Variants in FRMD3 observed in about 807,000 individuals in gnomAD.
FRMD3 encodes the protein FERM domain containing 3.
Under a neutral mutation model 70.2 loss-of-function variants are expected in FRMD3, and 33 were observed. The ratio of observed to expected loss-of-function variants is 0.47; its 90% CI spans 0.36 to 0.63. The LOEUF (loss-of-function observed/expected upper bound fraction) is 0.63. Among genes scored for constraint, FRMD3 ranks in the 20% least tolerant of loss-of-function variants. The probability of loss-of-function intolerance (pLI) is 0.00; values close to 1 mark genes in which losing one functional copy is unlikely to be tolerated. For missense variants in FRMD3, 632 were observed against 711.4 expected (o/e 0.89, Z 1.27); for synonymous variants, 279 against 255.9 (o/e 1.09, Z -0.86).
chr9:83,382,606 C>A (rs1825391671), intron 2 of FRMD3, among the ~76,000 whole-genome samples: 1 of 152,114 alleles, frequency 6.6e-6, no homozygotes, highest in African/African-American at 2.4e-5. Flanking sequence ...CCTAAAATAG[C>A]AAAAGATAGT....
chr9:83,416,393 T>A (rs1301320406), intron 1 of FRMD3, among the ~76,000 whole-genome samples: 3 of 152,208 alleles, frequency 2.0e-5, no homozygotes, highest in Non-Finnish European at 4.4e-5. Flanking sequence ...ATGGCACAAA[T>A]CAAAACCAAG....
At chr9:83,301,314 C>A (rs1042000213) in intron 10 of FRMD3, among the ~76,000 whole-genome samples, 2 of 152,154 alleles carry the variant, frequency 1.3e-5, no homozygotes, top group Non-Finnish European at 2.9e-5. Context: ...TCCCCACTAG[C>A]CCTACAGAGC....
intron 1 of FRMD3, among the ~76,000 whole-genome samples, chr9:83,430,139 A>G (rs984163339): frequency 2.0e-5 from 3 of 152,150 alleles, no homozygotes; most frequent in African/African-American, 7.2e-5. Flanking sequence ...CCTTGGTCTC[A>G]ACACCTCTAG....
At chr9:83,256,630 A>G (rs1832720789) in intron 13 of FRMD3, among the ~76,000 whole-genome samples, 1 of 152,304 alleles carries the variant, frequency 6.6e-6, no homozygotes, top group African/African-American at 2.4e-5. Flanking sequence ...CAAAGGTCTA[A>G]TGTCCACAGT....
the FRMD3 span, among the ~76,000 whole-genome samples, chr9:83,565,259 T>C: frequency 6.6e-6 from 1 of 152,138 alleles, no homozygotes; most frequent in Non-Finnish European, 1.5e-5. Flanking sequence ...GACACTCCTG[T>C]CCTTAAAGTG....
the FRMD3 span, among the ~76,000 whole-genome samples, chr9:83,545,357 T>G: frequency 2.5e-3 from 75 of 29,784 alleles, no homozygotes; most frequent in Admixed American, 3.7e-3. Flanking sequence ...TTTTTTTTTG[T>G]TTTTTTTTTT....
chr9:83,559,474 C>G, the FRMD3 span, among the ~76,000 whole-genome samples: 168 of 152,280 alleles, frequency 1.1e-3, no homozygotes, highest in Non-Finnish European at 1.9e-3. Context: ...TGCCTTATTG[C>G]AATATTTGCT....
upstream of FRMD3, among the ~76,000 whole-genome samples, chr9:83,542,769 C>A (rs1291750535): frequency 1.3e-5 from 2 of 151,988 alleles, no homozygotes; most frequent in African/African-American, 4.8e-5. Flanking sequence ...ATCAGTGGAA[C>A]AAAATAGAGG....
At position 83,405,150 on chromosome 9, in the gene FRMD3, C is replaced by A. The variant is rs75450877; in HGVS notation, c.148-15442G>T. On this transcript the variant is annotated intron_variant, in intron 1 of 13. Coordinates refer to ENST00000304195, the MANE Select transcript of FRMD3 (RefSeq NM_174938.6). ...AGGCCCCTTTAAAACATTACCCCAG[C>A]AGTTTTAAGCACAAGTGCATGGTAG... 3.7e-3 allele frequency among the ~76,000 whole-genome samples: 556 copies of A among 152,282 alleles called. 2 individuals carry two copies. The highest frequency in any genetic ancestry group is 0.013 in the African/African-American group (534 of 41,558).
chr9:83,492,823 A>G (rs564151370), intron 1 of FRMD3, among the ~76,000 whole-genome samples: 1 of 152,152 alleles, frequency 6.6e-6, no homozygotes, highest in African/African-American at 2.4e-5. Flanking sequence ...AAGTTCAGCA[A>G]CCTTCAGAGT....
chr9:83,302,261 G>A lies in FRMD3; in HGVS notation c.927-3075C>T, dbSNP rs900069643. Among the ~76,000 whole-genome samples, 5 of 152,312 alleles carry A rather than the reference G, an allele frequency of 3.3e-5. 1 individual carries two copies. In the South Asian group the frequency reaches 8.3e-4, roughly 25 times the overall value. ...CTTGATCATGAGAGATTCTGATTCAGTGGGTCTGAAGAGGGGCTTGACTTT... is the reference window on the plus strand; with the variant it reads ...CTTGATCATGAGAGATTCTGATTCAATGGGTCTGAAGAGGGGCTTGACTTT... On this transcript the variant is annotated intron_variant, in intron 10 of 13. Coordinates refer to ENST00000304195, the MANE Select transcript of FRMD3 (RefSeq NM_174938.6).
intron 13 of FRMD3, among the ~76,000 whole-genome samples, chr9:83,253,062 AAAG>A (rs1245235492): frequency 1.3e-5 from 2 of 152,224 alleles, no homozygotes; most frequent in Admixed American, 1.3e-4. Context: ...CCTAAATTAA[AAAG>A]AAGATATATT....
chr9:83,294,369 C>G (rs1212479271), intron 12 of FRMD3, among the ~76,000 whole-genome samples: 1 of 152,114 alleles, frequency 6.6e-6, no homozygotes, highest in Non-Finnish European at 1.5e-5. Flanking sequence ...GTTATAGCAA[C>G]CCAACTGGAC....
chr9:83,243,288 A>T, downstream of FRMD3: 1 of 1,421,836 alleles, frequency 7.0e-7, no homozygotes, highest in East Asian at 2.5e-5. Context: ...ACAAGTAAGC[A>T]GCGACCTTCA....
chr9:83,313,816 C>G, intron 6 of FRMD3, 69 bp from the exon 7 acceptor site: 1 of 1,136,332 alleles, frequency 8.8e-7, no homozygotes, highest in Non-Finnish European at 1.3e-6. Context: ...TCCCTTCATT[C>G]AATAAAGTAT....
At chr9:83,433,255 C>T (rs1827034053) in intron 1 of FRMD3, among the ~76,000 whole-genome samples, 1 of 152,130 alleles carries the variant, frequency 6.6e-6, no homozygotes, top group Admixed American at 6.5e-5. Flanking sequence ...ATGCTTAGTT[C>T]ATGATATTAA....
chr9:83,562,247 G>A, the FRMD3 span, among the ~76,000 whole-genome samples: 1 of 152,196 alleles, frequency 6.6e-6, no homozygotes, highest in African/African-American at 2.4e-5. Flanking sequence ...ATAACAAGTA[G>A]TTCCTTAGAC....
At chr9:83,383,849 G>T (rs1230664810) in intron 2 of FRMD3, among the ~76,000 whole-genome samples, 2 of 152,172 alleles carry the variant, frequency 1.3e-5, no homozygotes, top group Non-Finnish European at 2.9e-5. Flanking sequence ...GTGACTTCTA[G>T]ATGGCAACAT....
Position 83,475,149 on chromosome 9 carries a change from A to G in FRMD3, c.147+62936T>C, listed in dbSNP as rs2375930. Among the ~76,000 whole-genome samples the G allele has an allele frequency of 6.6e-3, 1,011 of 152,140 alleles. 12 individuals are homozygous for G. Among genetic ancestry groups the G allele is most frequent in the African/African-American group, 0.023 (952 of 41,508 alleles). On this transcript the variant is annotated intron_variant, in intron 1 of 13. Coordinates refer to ENST00000304195, the MANE Select transcript of FRMD3 (RefSeq NM_174938.6). ...CATACCAAGAGATAGAACCAATAGG[A>G]AAAAAAAGCAGACAACAGAAACAGA...
Sources: gnomAD v4.1 joint callset for allele counts (sites outside exome capture counted in the v4.1 genomes callset) on GRCh38, gnomAD v4.1.1 for gene constraint, MANE v1.5 for transcripts, NCBI Gene and HGNC (gene_info 2026-07-23, HGNC 2026-07-21) for gene names.